LGR5: variants seen among roughly 807,000 people sequenced by gnomAD.
The protein encoded by LGR5 is leucine rich repeat containing G protein-coupled receptor 5.
In LGR5, 54 loss-of-function variants were observed where a neutral mutation model predicts 76.7. The ratio of observed to expected loss-of-function variants is 0.70; its 90% CI spans 0.57 to 0.88. The LOEUF (loss-of-function observed/expected upper bound fraction) is 0.88. LGR5 is among the 40% of genes least tolerant of loss of function. LGR5 has a pLI of 0.00. For synonymous variants in LGR5, 406 were observed against 421.9 expected (o/e 0.96, Z 0.46); for missense variants, 1,078 against 1,073.3 (o/e 1.00, Z -0.06).
chr12:71,505,195 A>G (rs1341229957), intron 2 of LGR5, among the ~76,000 whole-genome samples: 1 of 152,214 alleles, frequency 6.6e-6, no homozygotes, highest in Non-Finnish European at 1.5e-5. Context: ...TCAAGGCTTC[A>G]GTAGAAAAAT....
intron 1 of LGR5, among the ~76,000 whole-genome samples, chr12:71,458,808 T>G (rs116345798): frequency 1.3e-5 from 2 of 152,080 alleles, no homozygotes; most frequent in South Asian, 4.1e-4. Flanking sequence ...ATCCTTGCCT[T>G]TGTATGGCAG....
chr12:71,514,472 G>A (rs1875333263), intron 2 of LGR5, among the ~76,000 whole-genome samples: 1 of 151,594 alleles, frequency 6.6e-6, no homozygotes, highest in African/African-American at 2.4e-5. Context: ...GGAGGCTGAG[G>A]CAGGAGAATG....
intron 1 of LGR5, among the ~76,000 whole-genome samples, chr12:71,487,007 C>G (rs1873859334): frequency 6.6e-6 from 1 of 152,040 alleles, no homozygotes; most frequent in South Asian, 2.1e-4. Flanking sequence ...AAGAGATAGC[C>G]CAAACCACAG....
At chr12:71,441,732 C>CT (rs1437320211) in intron 1 of LGR5, 3 of 152,154 alleles carry the variant, frequency 2.0e-5, no homozygotes, top group Non-Finnish European at 4.4e-5. Flanking sequence ...ACTGCTTTTT[C>CT]TTTTTTACCT....
At chr12:71,495,027 C>T (rs113416167) in intron 1 of LGR5, among the ~76,000 whole-genome samples, 1,856 of 150,994 alleles carry the variant, frequency 0.012, 58 homozygotes, top group Middle Eastern at 0.034. Flanking sequence ...GTACCTTTTG[C>T]CTGGTTCCTT....
At chr12:71,521,083 C>A (rs981808454) in intron 2 of LGR5, among the ~76,000 whole-genome samples, 2 of 152,060 alleles carry the variant, frequency 1.3e-5, no homozygotes, top group Non-Finnish European at 2.9e-5. Context: ...CAGCAACATG[C>A]GATGTCTGTG....
At chr12:71,458,139 T>C (rs1247025212) in intron 1 of LGR5, among the ~76,000 whole-genome samples, 1 of 152,178 alleles carries the variant, frequency 6.6e-6, no homozygotes. Flanking sequence ...ACTTTTTTTC[T>C]TGTTGATATG....
At chr12:71,496,565 C>A (rs1874334135) in intron 1 of LGR5, among the ~76,000 whole-genome samples, 1 of 152,102 alleles carries the variant, frequency 6.6e-6, no homozygotes, top group South Asian at 2.1e-4. Flanking sequence ...CAATAGTCAG[C>A]AATTCTACTC....
intron 4 of LGR5, among the ~76,000 whole-genome samples, chr12:71,537,531 C>T (rs951388526): frequency 6.6e-6 from 1 of 151,968 alleles, no homozygotes; most frequent in Non-Finnish European, 1.5e-5. Context: ...GCTGAACCAC[C>T]AACTCTGCAG....
At chr12:71,443,850 A>G (rs2137193214) in intron 1 of LGR5, among the ~76,000 whole-genome samples, 1 of 152,246 alleles carries the variant, frequency 6.6e-6, no homozygotes, top group Non-Finnish European at 1.5e-5. Context: ...TGTTCCTTAA[A>G]GGCATTCACA....
intron 1 of LGR5, among the ~76,000 whole-genome samples, chr12:71,482,070 C>A (rs1041912488): frequency 6.6e-6 from 1 of 152,126 alleles, no homozygotes; most frequent in Non-Finnish European, 1.5e-5. Context: ...AGGGAAGGTA[C>A]TTCAGATTCC....
At position 71,525,619 on chromosome 12, in the gene LGR5, A is replaced by T. The variant is rs549489718; in HGVS notation, c.356+1142A>T. 2.3e-4 allele frequency among the ~76,000 whole-genome samples: 35 copies of T among 151,906 alleles called. No homozygotes were observed. In the South Asian group the frequency reaches 6.2e-3, roughly 27 times the overall value. ...TAAAGTGATTTTTTTTCCCATGTTG[A>T]GCTATGTACCACTAAGTATTTGGGA... On this transcript the variant is annotated intron_variant, in intron 3 of 17. Coordinates refer to ENST00000266674, the MANE Select transcript of LGR5 (RefSeq NM_003667.4).
chr12:71,494,874 A>G (rs930123681), intron 1 of LGR5, among the ~76,000 whole-genome samples: 6 of 151,270 alleles, frequency 4.0e-5, no homozygotes, highest in Middle Eastern at 3.4e-3. Context: ...CTCAAATTTG[A>G]TCTCTGGTTA....
At chr12:71,547,212 C>T (rs1877221468) in intron 4 of LGR5, among the ~76,000 whole-genome samples, 1 of 152,140 alleles carries the variant, frequency 6.6e-6, no homozygotes. Flanking sequence ...GCCATTTTAG[C>T]CTTTTGGACA....
chr12:71,534,205 A>T (rs1362365692), intron 3 of LGR5, among the ~76,000 whole-genome samples: 1 of 152,246 alleles, frequency 6.6e-6, no homozygotes, highest in Non-Finnish European at 1.5e-5. Flanking sequence ...TGTGTTATAA[A>T]CATTTATGAA....
chr12:71,499,209 C>A (rs11178834), intron 1 of LGR5, among the ~76,000 whole-genome samples: 11,108 of 151,938 alleles, frequency 0.073, 949 homozygotes, highest in East Asian at 0.43. Context: ...TCCAGGAGAG[C>A]AACAGCCTAG....
At chr12:71,493,919 C>A (rs1257215467) in intron 1 of LGR5, among the ~76,000 whole-genome samples, 1 of 149,526 alleles carries the variant, frequency 6.7e-6, no homozygotes, top group Non-Finnish European at 1.5e-5. Flanking sequence ...CAGGCATGGG[C>A]CACCATGCCC....
At chr12:71,525,454 C>A (rs2137344799) in intron 3 of LGR5, among the ~76,000 whole-genome samples, 1 of 150,638 alleles carries the variant, frequency 6.6e-6, no homozygotes, top group East Asian at 1.9e-4. Flanking sequence ...TGTCATGTTG[C>A]CAAATCCTAA....
chr12:71,545,901 T>C (rs550014375), intron 4 of LGR5, among the ~76,000 whole-genome samples: 2 of 152,326 alleles, frequency 1.3e-5, no homozygotes, highest in Admixed American at 1.3e-4. Context: ...ATGGAGCAGA[T>C]TGGCAAAATG....
Sources: gnomAD v4.1 joint callset for allele counts (sites outside exome capture counted in the v4.1 genomes callset) on GRCh38, gnomAD v4.1.1 for gene constraint, MANE v1.5 for transcripts, NCBI Gene and HGNC (gene_info 2026-07-23, HGNC 2026-07-21) for gene names.